PRKCA: variants seen among roughly 807,000 people sequenced by gnomAD.
PRKCA encodes protein kinase C alpha type.
A neutral mutation model predicts 87.0 loss-of-function variants in PRKCA; 27 were observed. That is an observed-to-expected ratio of 0.31 (90% CI 0.23 to 0.43). The LOEUF (loss-of-function observed/expected upper bound fraction) is 0.43, where lower values mean the gene tolerates loss of function less well. PRKCA is among the 20% of genes least tolerant of loss of function. PRKCA has a pLI of 1.00. For missense variants in PRKCA, 518 were observed against 852.3 expected (o/e 0.61, Z 4.88); for synonymous variants, 329 against 311.1 (o/e 1.06, Z -0.61).
intron 3 of PRKCA, among the ~76,000 whole-genome samples, chr17:66,525,507 G>C (rs544953930): frequency 6.6e-6 from 1 of 152,184 alleles, no homozygotes; most frequent in East Asian, 1.9e-4. Flanking sequence ...AGCTGTACAC[G>C]TGTTTTGTGG....
intron 2 of PRKCA, among the ~76,000 whole-genome samples, chr17:66,486,633 G>A (rs569292755): frequency 7.2e-5 from 11 of 151,988 alleles, no homozygotes; most frequent in Admixed American, 4.6e-4. Context: ...TCCAGGACTC[G>A]CCTTGCAGTT....
chr17:66,575,237 G>A (rs886645913), intron 3 of PRKCA, among the ~76,000 whole-genome samples: 2 of 152,224 alleles, frequency 1.3e-5, no homozygotes, highest in African/African-American at 4.8e-5. Context: ...GATATAGTGG[G>A]ATGGTATGAG....
At chr17:66,731,034 C>A (rs1049443961) in intron 8 of PRKCA, among the ~76,000 whole-genome samples, 2 of 152,132 alleles carry the variant, frequency 1.3e-5, no homozygotes, top group African/African-American at 4.8e-5. Flanking sequence ...AGGTCTGCTG[C>A]ACTAGGGAGG....
chr17:66,543,307 T>C (rs1968047126), intron 3 of PRKCA, among the ~76,000 whole-genome samples: 1 of 152,198 alleles, frequency 6.6e-6, no homozygotes, highest in African/African-American at 2.4e-5. Flanking sequence ...TGGCATTCTT[T>C]GAATACCATG....
At chr17:66,449,865 T>G (rs1350924954) in intron 2 of PRKCA, among the ~76,000 whole-genome samples, 2 of 151,996 alleles carry the variant, frequency 1.3e-5, no homozygotes, top group Non-Finnish European at 2.9e-5. Context: ...TTTGTTGTTG[T>G]TTTTTTGTTT....
intron 3 of PRKCA, among the ~76,000 whole-genome samples, chr17:66,629,808 C>T (rs1970959329): frequency 6.6e-6 from 1 of 152,032 alleles, no homozygotes; most frequent in Admixed American, 6.6e-5. Flanking sequence ...TGGGAAGTTC[C>T]GTATCATGAA....
intron 3 of PRKCA, among the ~76,000 whole-genome samples, chr17:66,557,771 C>T (rs950789849): frequency 6.6e-6 from 1 of 152,140 alleles, no homozygotes; most frequent in African/African-American, 2.4e-5. Flanking sequence ...AGTACTTTTT[C>T]CCTGTTTTCT....
chr17:66,420,788 T>G (rs1188061742), intron 2 of PRKCA, among the ~76,000 whole-genome samples: 2 of 152,234 alleles, frequency 1.3e-5, no homozygotes, highest in Non-Finnish European at 2.9e-5. Flanking sequence ...TTTATCATTT[T>G]GAGACCAGTT....
chr17:66,483,776 G>A (rs1915883222), intron 2 of PRKCA, among the ~76,000 whole-genome samples: 1 of 151,896 alleles, frequency 6.6e-6, no homozygotes, highest in Non-Finnish European at 1.5e-5. Flanking sequence ...TCCCTTTTTT[G>A]TAAGGATGCC....
At chr17:66,443,062 T>G (rs1289561346) in intron 2 of PRKCA, among the ~76,000 whole-genome samples, 1 of 152,206 alleles carries the variant, frequency 6.6e-6, no homozygotes, top group Non-Finnish European at 1.5e-5. Context: ...TTTGATCTCT[T>G]GGACTCCCGT....
At chr17:66,545,415 C>A (rs755281807) in intron 3 of PRKCA, among the ~76,000 whole-genome samples, 1 of 152,118 alleles carries the variant, frequency 6.6e-6, no homozygotes, top group African/African-American at 2.4e-5. Context: ...GGCGACAGAG[C>A]GAGACTCTGT....
chr17:66,527,270 CTG>C (rs1967376783), intron 3 of PRKCA, among the ~76,000 whole-genome samples: 1 of 146,884 alleles, frequency 6.8e-6, no homozygotes, highest in Admixed American at 6.8e-5. Flanking sequence ...TCTCATTATT[CTG>C]TGTTTTTATA....
At chr17:66,376,795 CCCATGTAAGT>C (rs1909444957) in intron 2 of PRKCA, among the ~76,000 whole-genome samples, 1 of 151,910 alleles carries the variant, frequency 6.6e-6, no homozygotes. Context: ...GGTGGGGGTC[CCCATGTAAGT>C]CCTTTCTTCA....
At chr17:66,412,306 C>T (rs953714984) in intron 2 of PRKCA, among the ~76,000 whole-genome samples, 1 of 152,156 alleles carries the variant, frequency 6.6e-6, no homozygotes, top group Non-Finnish European at 1.5e-5. Flanking sequence ...GTCCACCAGG[C>T]TTGGCCTTCT....
intron 3 of PRKCA, among the ~76,000 whole-genome samples, chr17:66,568,945 A>G (rs1968981110): frequency 1.3e-5 from 2 of 152,128 alleles, no homozygotes; most frequent in Admixed American, 6.6e-5. Flanking sequence ...TCAGTTGCCA[A>G]GCAGTGGTTT....
At chr17:66,712,997 A>G (rs1440977557) in intron 8 of PRKCA, among the ~76,000 whole-genome samples, 1 of 148,580 alleles carries the variant, frequency 6.7e-6, no homozygotes, top group Non-Finnish European at 1.5e-5. Flanking sequence ...GTCACTGTGC[A>G]TTGCTGGTTT....
chr17:66,734,394 A>G (rs1382796909), intron 9 of PRKCA, among the ~76,000 whole-genome samples: 1 of 152,234 alleles, frequency 6.6e-6, no homozygotes, highest in African/African-American at 2.4e-5. Context: ...GGCAATTCCC[A>G]GAACTGAGGC....
At chr17:66,749,967 C>T (rs1174386378) in intron 13 of PRKCA, among the ~76,000 whole-genome samples, 3 of 152,094 alleles carry the variant, frequency 2.0e-5, no homozygotes, top group Non-Finnish European at 4.4e-5. Context: ...GTCCCCCAGA[C>T]AGCCCCAGCT....
chr17:66,481,016 C>A lies in PRKCA; in HGVS notation c.206-15185C>A, dbSNP rs78997235. Reference sequence around the variant, plus strand: ...ATTTTACATAGGTGTTACCGCAGAACGCTGCCAGATGGCTGCCTGTCTTGG... The same window carrying A: ...ATTTTACATAGGTGTTACCGCAGAAAGCTGCCAGATGGCTGCCTGTCTTGG... On this transcript the variant is annotated intron_variant, in intron 2 of 16. Coordinates refer to ENST00000413366, the MANE Select transcript of PRKCA (RefSeq NM_002737.3). Among the ~76,000 whole-genome samples, 1,320 of 152,146 alleles carry A rather than the reference C, an allele frequency of 8.7e-3. 19 individuals carry two copies. Among genetic ancestry groups the A allele is most frequent in the African/African-American group, 0.031 (1,275 of 41,514 alleles).
Sources: gnomAD v4.1 joint callset for allele counts (sites outside exome capture counted in the v4.1 genomes callset) on GRCh38, gnomAD v4.1.1 for gene constraint, MANE v1.5 for transcripts, NCBI Gene and HGNC (gene_info 2026-07-23, HGNC 2026-07-21) for gene names.